The following LMO3 variants were observed in gnomAD, a reference collection of about 807,000 sequenced individuals.
LMO3 encodes LIM domain only protein 3.
LMO3 carries 2 observed loss-of-function variants against 15.8 expected under a neutral mutation model. The observed-to-expected ratio is 0.13, with a 90% CI of 0.05 to 0.40. The LOEUF is 0.40. Ranked by LOEUF, LMO3 falls within the 10% of genes least tolerant of loss-of-function variation. The pLI is 0.99. For synonymous variants in LMO3, 62 were observed against 63.8 expected, an observed-to-expected ratio of 0.97 and a Z score of 0.13; for missense variants, 86 against 182.2, an observed-to-expected ratio of 0.47 and a Z score of 3.04.
At position 16,600,732 on chromosome 12, in the gene LMO3, A is replaced by G. The variant is rs1297167756; in HGVS notation, c.129T>C (p.Cys43=). 3.7e-6 allele frequency: 6 copies of G among 1,614,066 alleles called. No homozygotes were observed. The highest frequency in any genetic ancestry group is 5.1e-6 in the Non-Finnish European group (6 of 1,180,032). ...AGCCCACCTCTCCCAAGCGACAGTC[A>G]CAGCAGGCACACTTCAGGCAGTCTT... The part of the protein sequence containing the change: ...WHEDCLKCAC[C]DCRLGEVGST... The change falls in exon 2 of 4, where the codon TGT becomes TGC. Residue 43 remains cysteine (C), a synonymous_variant. Transcript: ENST00000537304.
chr12:16,606,923 G>A (rs1944020595), upstream of LMO3: 1 of 152,150 alleles, frequency 6.6e-6, no homozygotes, highest in Non-Finnish European at 1.5e-5. Context: ...TACATTTAAA[G>A]CAAATTGCCT....
In LMO3 at chr12:16,587,484, C is replaced by T. The variant is rs1191480286; in HGVS notation, c.206+13171G>A. ...ATTTTTTTTTCTTTTACTTTGCCTA[C>T]TACTAGCAAATAAACTGTGCCTCTT... is the stretch of plus-strand genomic sequence containing the variant. On this transcript the variant is annotated intron_variant, in intron 2 of 3. Coordinates refer to ENST00000537304, the MANE Select transcript of LMO3 (RefSeq NM_018640.5). This position sits in a 1 kb window ranked among gnomAD's most constrained non-coding sequence, Gnocchi z 4.3. Among the ~76,000 whole-genome samples the T allele has an allele frequency of 2.0e-5, 3 of 152,096 alleles. No homozygotes were observed. The highest frequency in any genetic ancestry group is 4.4e-5 in the Non-Finnish European group (3 of 68,010).
At position 16,582,057 on chromosome 12, in the gene LMO3, C is replaced by T. The variant is rs1943176802; in HGVS notation, c.206+18598G>A. On this transcript the variant is annotated intron_variant, in intron 2 of 3. Coordinates refer to ENST00000537304, the MANE Select transcript of LMO3 (RefSeq NM_018640.5). This position sits in a 1 kb window ranked among gnomAD's most constrained non-coding sequence, Gnocchi z 4.1. The stretch of plus-strand genomic sequence containing the variant: ...ATATGAGGGACAATAATGAGTATCC[C>T]TGGCTTTTTCTTGGCTTTAATGGAA... 6.6e-6 allele frequency among the ~76,000 whole-genome samples: 1 copy of T among 152,034 alleles called. No individual in the cohort carries two copies. The highest frequency in any genetic ancestry group is 1.5e-5 in the Non-Finnish European group (1 of 67,992).
chr12:16,566,010 AT>A (rs1423143112), intron 2 of LMO3, among the ~76,000 whole-genome samples: 20 of 73,548 alleles, frequency 2.7e-4, no homozygotes, highest in Non-Finnish European at 3.6e-4. Context: ...ATATATATAT[AT>A]ATATATATAT....
rs1206560622 is a variant in LMO3 at position 16,559,708 on chromosome 12, T to C, written c.332+705A>G. On this transcript the variant is annotated intron_variant, in intron 3 of 3. Coordinates refer to ENST00000537304, the MANE Select transcript of LMO3 (RefSeq NM_018640.5). The surrounding 1 kb of genome is among the most constrained non-coding windows in gnomAD (Gnocchi z 4.1). ...GCTCATGCCTATAATCCCTGCACTTTGGGAGGTGGAGGTGGGAGGATTGCT... is the reference window on the plus strand; with the variant it reads ...GCTCATGCCTATAATCCCTGCACTTCGGGAGGTGGAGGTGGGAGGATTGCT... 6.6e-6 allele frequency among the ~76,000 whole-genome samples: 1 copy of C among 151,808 alleles called. No individual in the cohort carries two copies. Among genetic ancestry groups the C allele is most frequent in the East Asian group, 1.9e-4 (1 of 5,174 alleles).
intron 2 of LMO3, among the ~76,000 whole-genome samples, chr12:16,572,876 G>A (rs1942863069): frequency 1.3e-5 from 2 of 151,610 alleles, no homozygotes; most frequent in African/African-American, 4.8e-5. Context: ...TAAGGTATTT[G>A]ATATGAATTT....
At chr12:16,575,023 AC>A in intron 2 of LMO3, among the ~76,000 whole-genome samples, 1 of 152,140 alleles carries the variant, frequency 6.6e-6, no homozygotes. Context: ...AAAGAAACAA[AC>A]ACAAAACACA....
chr12:16,580,057 ATAT>A (rs1344775788), intron 2 of LMO3, among the ~76,000 whole-genome samples: 3 of 152,196 alleles, frequency 2.0e-5, no homozygotes, highest in South Asian at 2.1e-4. Context: ...GAGATAACAG[ATAT>A]TATGTATTTC....
chr12:16,605,276 A>G (rs1017813367), intron 1 of LMO3: 12 of 1,202,890 alleles, frequency 1.0e-5, no homozygotes, highest in African/African-American at 3.1e-5. Context: ...ATCATGTTCA[A>G]TATGAAAAAG....
At chr12:16,551,792 T>G (rs545797150) in intron 3 of LMO3, among the ~76,000 whole-genome samples, 1 of 152,166 alleles carries the variant, frequency 6.6e-6, no homozygotes, top group African/African-American at 2.4e-5. Flanking sequence ...AATAGCCTAT[T>G]TTAAAGCTTC....
In LMO3 at chr12:16,551,160, G is replaced by A. The variant is rs1233825212; in HGVS notation, c.*62C>T. On this transcript the variant is annotated 3_prime_UTR_variant, in exon 4 of 4. Coordinates refer to ENST00000537304, the MANE Select transcript of LMO3 (RefSeq NM_018640.5). ...TTCCTGTGTCAATTCTTATGTACAT[G>A]TGGAGCAAAAAAGATAAAAGAATGT... 1.9e-6 allele frequency: 2 copies of A among 1,058,948 alleles called. No homozygotes were observed. The highest frequency in any genetic ancestry group is 3.0e-6 in the Non-Finnish European group (2 of 675,590). The allele number at this position is 1,058,948 out of a possible 1,614,324, so 65.6% of individuals were successfully genotyped here. A position where few individuals can be genotyped will look rare whatever the true frequency, so the allele number is the denominator to read the frequency against.
chr12:16,552,123 TTCTG>T (rs1942010916), intron 3 of LMO3, among the ~76,000 whole-genome samples: 1 of 152,074 alleles, frequency 6.6e-6, no homozygotes, highest in Non-Finnish European at 1.5e-5. Context: ...TAAGTGTTCT[TTCTG>T]TATGATTTCC....
In LMO3 at chr12:16,589,170, A is replaced by G. The variant is rs2137603337; in HGVS notation, c.206+11485T>C. Reference sequence around the variant, plus strand: ...CACCCAGTTTGGAAGATTTTAGGGAAGTGACAAGAACTCATGTAACTTTTT... The same window carrying G: ...CACCCAGTTTGGAAGATTTTAGGGAGGTGACAAGAACTCATGTAACTTTTT... On this transcript the variant is annotated intron_variant, in intron 2 of 3. Transcript: ENST00000537304. This position sits in a 1 kb window ranked among gnomAD's most constrained non-coding sequence, Gnocchi z 4.2. Among the ~76,000 whole-genome samples, 1 of 152,270 alleles carries G rather than the reference A, an allele frequency of 6.6e-6. No homozygotes were observed. The highest frequency in any genetic ancestry group is 2.1e-4 in the South Asian group (1 of 4,824).
rs1376724079 is a variant in LMO3, at chr12:16,582,328, C to A, written c.206+18327G>T. On this transcript the variant is annotated intron_variant, in intron 2 of 3. Transcript: ENST00000537304. This position sits in a 1 kb window ranked among gnomAD's most constrained non-coding sequence, Gnocchi z 4.1. The stretch of plus-strand genomic sequence containing the variant: ...TCTCTGAATTCTAGAAAACATCTTA[C>A]CTGTTCCTATAGTATTATTCATTTT... Among the ~76,000 whole-genome samples, 1 of 152,102 alleles carries A rather than the reference C, an allele frequency of 6.6e-6. No homozygotes were observed. The highest frequency in any genetic ancestry group is 1.5e-5 in the Non-Finnish European group (1 of 68,024).
In LMO3 at chr12:16,598,185, TC is replaced by T. The variant is rs1943715153; in HGVS notation, c.206+2469del. 1 of 152,182 alleles carries T rather than the reference TC, an allele frequency of 6.6e-6. No homozygotes were observed. Among genetic ancestry groups the T allele is most frequent in the East Asian group, 1.9e-4 (1 of 5,166 alleles). The allele number at this position is 152,182 out of a possible 1,614,324, so 9.4% of individuals were successfully genotyped here. A position where few individuals can be genotyped will look rare whatever the true frequency, so the allele number is the denominator to read the frequency against. ...TATGCAGTTGAACATCTACACAATT[TC>T]ACTGAGACACATGCTTTCCACATAA... is the stretch of plus-strand genomic sequence containing the variant. On this transcript the variant is annotated intron_variant, in intron 2 of 3. Transcript: ENST00000537304. This position sits in a 1 kb window ranked among gnomAD's most constrained non-coding sequence, Gnocchi z 4.3.
At chr12:16,566,537 T>G (rs940657144) in intron 2 of LMO3, among the ~76,000 whole-genome samples, 2 of 152,182 alleles carry the variant, frequency 1.3e-5, no homozygotes, top group African/African-American at 4.8e-5. Flanking sequence ...TGTACCATTA[T>G]AAGGTGCTAA....
chr12:16,563,393 T>A (rs192672025), intron 2 of LMO3, among the ~76,000 whole-genome samples: 55 of 152,342 alleles, frequency 3.6e-4, no homozygotes, highest in Non-Finnish European at 6.3e-4. Context: ...AAATGTATAA[T>A]GTTATCCTTT....
Position 16,548,419 on chromosome 12 carries a change from G to A in LMO3, c.*2803C>T, listed in dbSNP as rs1941868535. ...AAAACATAAATCCAAATGTAAAAAA[G>A]TGAATGAAAGAATCCAGCAGATATT... On this transcript the variant is annotated 3_prime_UTR_variant, in exon 4 of 4. Transcript: ENST00000537304. The surrounding 1 kb of genome is among the most constrained non-coding windows in gnomAD (Gnocchi z 4.2). The A allele has an allele frequency of 6.6e-6, 1 of 152,052 alleles. No homozygotes were observed. The highest frequency in any genetic ancestry group is 6.6e-5 in the Admixed American group (1 of 15,248). The allele number at this position is 152,052 out of a possible 1,614,324, so 9.4% of individuals were successfully genotyped here. A position where few individuals can be genotyped will look rare whatever the true frequency, so the allele number is the denominator to read the frequency against.
intron 2 of LMO3, among the ~76,000 whole-genome samples, chr12:16,562,841 C>A (rs1199957972): frequency 6.6e-6 from 1 of 152,162 alleles, no homozygotes; most frequent in Admixed American, 6.5e-5. Context: ...GATGGCTGCC[C>A]GTACGGCGCA....
Sources: gnomAD v4.1 joint callset for allele counts (sites outside exome capture counted in the v4.1 genomes callset) on GRCh38, gnomAD v4.1.1 for gene constraint, Gnocchi (gnomAD v3.1) non-coding constraint, MANE v1.5 for transcripts, NCBI Gene and HGNC (gene_info 2026-07-23, HGNC 2026-07-21) for gene names.